AMPH: variants seen among roughly 807,000 people sequenced by gnomAD.
AMPH encodes amphiphysin (Stiff-Mann syndrome with breast cancer 128kD autoantigen).
A neutral mutation model predicts 99.1 loss-of-function variants in AMPH; 49 were observed. The observed-to-expected ratio is 0.49, with a 90% CI of 0.39 to 0.63. AMPH has a LOEUF of 0.63. AMPH is among the 20% of genes least tolerant of loss of function. The pLI is 0.00. For synonymous variants in AMPH, 314 were observed against 317.3 expected, an observed-to-expected ratio of 0.99 and a Z score of 0.11; for missense variants, 759 against 863.4, an observed-to-expected ratio of 0.88 and a Z score of 1.52.
intron 5 of AMPH, among the ~76,000 whole-genome samples, chr7:38,486,128 A>G (rs2129017712): frequency 6.6e-6 from 1 of 151,194 alleles, no homozygotes; most frequent in African/African-American, 2.4e-5. Flanking sequence ...AAAGATTAGA[A>G]AAACAACAGG....
At chr7:38,398,176 T>A (rs1584037068) in intron 17 of AMPH, among the ~76,000 whole-genome samples, 5 of 106,714 alleles carry the variant, frequency 4.7e-5, no homozygotes, top group African/African-American at 4.0e-5. Context: ...CTGCTAGGTA[T>A]ATACTCAAAA....
intron 2 of AMPH, among the ~76,000 whole-genome samples, chr7:38,521,571 A>C (rs1789963771): frequency 6.6e-6 from 1 of 152,190 alleles, no homozygotes; most frequent in Admixed American, 6.5e-5. Flanking sequence ...TTTTTTAACA[A>C]ATGAAAAAAG....
intron 5 of AMPH, among the ~76,000 whole-genome samples, chr7:38,482,966 C>T (rs756429064): frequency 1.2e-4 from 19 of 152,160 alleles, no homozygotes; most frequent in Middle Eastern, 3.4e-3. Context: ...CCCAGAAACT[C>T]GTTGAATAGC....
chr7:38,540,440 G>T (rs1790764509), intron 1 of AMPH, among the ~76,000 whole-genome samples: 1 of 151,914 alleles, frequency 6.6e-6, no homozygotes, highest in Non-Finnish European at 1.5e-5. Context: ...AAGACATCAT[G>T]ACATAGGCAA....
At chr7:38,571,299 G>GAATATATATATTTATATATAT (rs1792002215) in intron 1 of AMPH, among the ~76,000 whole-genome samples, 1 of 8,798 alleles carries the variant, frequency 1.1e-4, no homozygotes, top group African/African-American at 4.9e-4. Flanking sequence ...ATTTATATAT[G>GAATATATATATTTATATATAT]AATATATATA....
At chr7:38,404,361 A>G (rs1270790841) in intron 17 of AMPH, among the ~76,000 whole-genome samples, 63 of 152,034 alleles carry the variant, frequency 4.1e-4, no homozygotes, top group Non-Finnish European at 1.5e-5. Flanking sequence ...GACCAAATAA[A>G]AAACCTGCTG....
rs118079376 is a variant in AMPH, at chr7:38,423,942, A to C, written c.1216-1465T>G. Among the ~76,000 whole-genome samples, 1,521 of 152,338 alleles carry C rather than the reference A, an allele frequency of 1.0e-2. 9 individuals are homozygous for C. The highest frequency in any genetic ancestry group is 0.016 in the Non-Finnish European group (1,108 of 68,034). ...CCTGGACTGGGGAACACACAGGCAC[A>C]TCAGGAAGGTAGAAGCACTGAGTAC... On this transcript the variant is annotated intron_variant, in intron 15 of 20. Transcript: ENST00000356264.
intron 1 of AMPH, among the ~76,000 whole-genome samples, chr7:38,568,223 T>C (rs960716172): frequency 3.3e-5 from 5 of 152,198 alleles, no homozygotes; most frequent in African/African-American, 9.7e-5. Context: ...AAGAATCCTT[T>C]AGGAGGCCGA....
At chr7:38,501,901 A>G (rs535429418) in intron 3 of AMPH, among the ~76,000 whole-genome samples, 27 of 152,276 alleles carry the variant, frequency 1.8e-4, no homozygotes, top group African/African-American at 6.3e-4. Flanking sequence ...ATATGACAGT[A>G]TTTTATTTGT....
chr7:38,548,905 G>C (rs1791086178), intron 1 of AMPH, among the ~76,000 whole-genome samples: 1 of 152,186 alleles, frequency 6.6e-6, no homozygotes, highest in Non-Finnish European at 1.5e-5. Flanking sequence ...GTGCCATGTT[G>C]TCTGCTTTTT....
At chr7:38,527,648 T>C (rs1790237124) in intron 2 of AMPH, among the ~76,000 whole-genome samples, 1 of 152,182 alleles carries the variant, frequency 6.6e-6, no homozygotes, top group Non-Finnish European at 1.5e-5. Flanking sequence ...TTCGTTGACG[T>C]CTTGGGATTT....
chr7:38,388,967 A>G (rs952651128), intron 20 of AMPH, among the ~76,000 whole-genome samples: 1 of 152,134 alleles, frequency 6.6e-6, no homozygotes, highest in African/African-American at 2.4e-5. Context: ...TAAATTTCCA[A>G]TCTATTTTAT....
intron 16 of AMPH, among the ~76,000 whole-genome samples, chr7:38,420,190 A>G (rs1232733258): frequency 1.3e-5 from 2 of 152,248 alleles, no homozygotes; most frequent in African/African-American, 4.8e-5. Context: ...ATGAGTAACA[A>G]TGAAGCATGG....
At chr7:38,611,023 T>TC (rs2129066143) in intron 1 of AMPH, among the ~76,000 whole-genome samples, 1 of 152,334 alleles carries the variant, frequency 6.6e-6, no homozygotes, top group African/African-American at 2.4e-5. Flanking sequence ...ATTCCCATAT[T>TC]CACTGTGGCA....
At chr7:38,622,448 A>C (rs1794103571) in intron 1 of AMPH, among the ~76,000 whole-genome samples, 1 of 92,914 alleles carries the variant, frequency 1.1e-5, no homozygotes, top group Non-Finnish European at 2.2e-5. Context: ...TGTATGTATG[A>C]ATACATACAC....
rs74753930 is a variant in AMPH at position 38,593,006 on chromosome 7, T to C, written c.69+38277A>G. Among the ~76,000 whole-genome samples, 713 of 152,302 alleles carry C rather than the reference T, an allele frequency of 4.7e-3. 9 individuals are homozygous for C. Among genetic ancestry groups the C allele is most frequent in the African/African-American group, 0.016 (665 of 41,566 alleles). On this transcript the variant is annotated intron_variant, in intron 1 of 20. Transcript: ENST00000356264. ...TCTGAACCTGCATTATCTCTCCAACTAAATTGCAAGTGATCCAATTGTAAT... is the reference window on the plus strand; with the variant it reads ...TCTGAACCTGCATTATCTCTCCAACCAAATTGCAAGTGATCCAATTGTAAT...
intron 1 of AMPH, among the ~76,000 whole-genome samples, chr7:38,613,436 A>G (rs967983642): frequency 7.2e-5 from 11 of 152,266 alleles, no homozygotes; most frequent in South Asian, 2.1e-4. Context: ...CCTTCCAACC[A>G]ATTAGACTAA....
chr7:38,485,584 T>A (rs1788459455), intron 5 of AMPH, among the ~76,000 whole-genome samples: 1 of 151,682 alleles, frequency 6.6e-6, no homozygotes, highest in African/African-American at 2.4e-5. Context: ...AGACACAATA[T>A]CAACAAAGAA....
chr7:38,395,080 G>A (rs1258583541), intron 17 of AMPH, among the ~76,000 whole-genome samples: 1 of 152,156 alleles, frequency 6.6e-6, no homozygotes. Context: ...TGGGTCACAG[G>A]ATGGAAGTGG....
Sources: gnomAD v4.1 joint callset for allele counts (sites outside exome capture counted in the v4.1 genomes callset) on GRCh38, gnomAD v4.1.1 for gene constraint, MANE v1.5 for transcripts, NCBI Gene and HGNC (gene_info 2026-07-23, HGNC 2026-07-21) for gene names.